The following SMYD3 variants were observed in gnomAD, a reference collection of about 807,000 sequenced individuals.
The protein encoded by SMYD3 is SET and MYND domain containing 3.
In SMYD3, 36 loss-of-function variants were observed where a neutral mutation model predicts 57.7. That is an observed-to-expected ratio of 0.62 (90% CI 0.48 to 0.82). SMYD3 has a LOEUF of 0.82. SMYD3 is among the 40% of genes least tolerant of loss of function. SMYD3 has a pLI of 0.00. For missense variants in SMYD3, 515 were observed against 538.8 expected (o/e 0.96, Z 0.44); for synonymous variants, 211 against 195.0 (o/e 1.08, Z -0.68).
intron 1 of SMYD3, among the ~76,000 whole-genome samples, chr1:246,470,916 G>T (rs533719946): frequency 1.2e-4 from 18 of 152,242 alleles, no homozygotes; most frequent in African/African-American, 4.3e-4. Flanking sequence ...CACTAAAGTG[G>T]TAAGGAAAGA....
intron 7 of SMYD3, among the ~76,000 whole-genome samples, chr1:245,926,647 G>C (rs908421948): frequency 6.6e-6 from 1 of 152,188 alleles, no homozygotes; most frequent in African/African-American, 2.4e-5. Flanking sequence ...ACTGGCAGCC[G>C]AGCCTAGGAA....
Position 246,010,801 on chromosome 1 carries a change from G to A in SMYD3, c.532-80864C>T, listed in dbSNP as rs949163880. Among the ~76,000 whole-genome samples, 14 of 152,270 alleles carry A rather than the reference G, an allele frequency of 9.2e-5. No individual in the cohort carries two copies. The South Asian group carries it at 1.2e-3, about 14-fold the overall frequency. ...TGGCATGGTGTCTATGGATATCTGCGTCATCTATTTAGATAGTATGTGCTG... is the reference window on the plus strand; with the variant it reads ...TGGCATGGTGTCTATGGATATCTGCATCATCTATTTAGATAGTATGTGCTG... On this transcript the variant is annotated intron_variant, in intron 5 of 11. Transcript: ENST00000490107.
chr1:246,266,587 T>C (rs10802378), intron 5 of SMYD3, among the ~76,000 whole-genome samples: 45,404 of 152,014 alleles, frequency 0.3, 8,025 homozygotes, highest in East Asian at 0.79. Context: ...AGGAAAATAC[T>C]ATAACACTGA....
intron 5 of SMYD3, 63 bp downstream of exon 5, chr1:246,327,135 CTAA>C: frequency 6.3e-7 from 1 of 1,599,012 alleles, no homozygotes; most frequent in Admixed American, 1.7e-5. Context: ...ATTTTTGTAA[CTAA>C]CAACAAAATA....
chr1:246,005,448 T>C (rs1160199619), intron 5 of SMYD3, among the ~76,000 whole-genome samples: 3 of 152,246 alleles, frequency 2.0e-5, no homozygotes. Context: ...CTTGGGCAAC[T>C]TCCCTGAACA....
At chr1:246,200,601 C>T (rs1489792544) in intron 5 of SMYD3, among the ~76,000 whole-genome samples, 2 of 122,508 alleles carry the variant, frequency 1.6e-5, no homozygotes, top group African/African-American at 5.8e-5. Flanking sequence ...TGTACACAGA[C>T]GTCACTATAA....
chr1:246,469,776 GA>G (rs929390475), intron 1 of SMYD3, among the ~76,000 whole-genome samples: 5 of 151,802 alleles, frequency 3.3e-5, no homozygotes, highest in South Asian at 2.1e-4. Flanking sequence ...CTCTATGGAG[GA>G]AAAAAAACTG....
intron 5 of SMYD3, among the ~76,000 whole-genome samples, chr1:246,157,059 T>C (rs1237065294): frequency 6.6e-6 from 1 of 152,190 alleles, no homozygotes; most frequent in Non-Finnish European, 1.5e-5. Flanking sequence ...TCACATCTGT[T>C]TGGAACAGCA....
At chr1:246,044,143 T>G (rs758916555) in intron 5 of SMYD3, among the ~76,000 whole-genome samples, 23 of 152,182 alleles carry the variant, frequency 1.5e-4, no homozygotes, top group Non-Finnish European at 3.1e-4. Context: ...ATTCAACAGT[T>G]CTACGAATAA....
At chr1:246,177,542 T>G (rs753312178) in intron 5 of SMYD3, among the ~76,000 whole-genome samples, 1 of 152,078 alleles carries the variant, frequency 6.6e-6, no homozygotes, top group Non-Finnish European at 1.5e-5. Context: ...AATAAACATT[T>G]TCAGGACAGA....
At chr1:246,112,929 C>G (rs906681867) in intron 5 of SMYD3, among the ~76,000 whole-genome samples, 2 of 152,116 alleles carry the variant, frequency 1.3e-5, no homozygotes, top group Non-Finnish European at 2.9e-5. Context: ...CGCCTGTAAT[C>G]CCAGCACTTT....
At chr1:246,232,979 T>C (rs1253332651) in intron 5 of SMYD3, among the ~76,000 whole-genome samples, 1 of 134,116 alleles carries the variant, frequency 7.5e-6, no homozygotes, top group Non-Finnish European at 1.6e-5. Flanking sequence ...GTGATGAACA[T>C]ATACCACGCA....
At chr1:245,765,534 G>A (rs1258101959) in intron 10 of SMYD3, among the ~76,000 whole-genome samples, 7 of 152,172 alleles carry the variant, frequency 4.6e-5, no homozygotes, top group Non-Finnish European at 8.8e-5. Context: ...TAGATGTCCA[G>A]TTCAAGTTTG....
chr1:246,293,126 C>T (rs188311238), intron 5 of SMYD3, among the ~76,000 whole-genome samples: 102 of 152,008 alleles, frequency 6.7e-4, no homozygotes, highest in Non-Finnish European at 1.2e-3. Context: ...ATCTCCTCAC[C>T]GAGAAAGGAT....
chr1:246,146,430 A>C (rs558934561), intron 5 of SMYD3, among the ~76,000 whole-genome samples: 6 of 152,212 alleles, frequency 3.9e-5, no homozygotes, highest in Non-Finnish European at 8.8e-5. Context: ...GTTAACGACA[A>C]GGGTTTGGGA....
At chr1:245,913,439 C>G (rs2055162058) in intron 8 of SMYD3, among the ~76,000 whole-genome samples, 1 of 151,348 alleles carries the variant, frequency 6.6e-6, no homozygotes, top group Admixed American at 6.6e-5. Flanking sequence ...TGCAGCACAC[C>G]AACATGGCAC....
At chr1:246,065,825 C>T (rs1410440124) in intron 5 of SMYD3, among the ~76,000 whole-genome samples, 1 of 152,144 alleles carries the variant, frequency 6.6e-6, no homozygotes, top group African/African-American at 2.4e-5. Flanking sequence ...TCAATAGATT[C>T]CACCTAAGAA....
chr1:246,162,301 G>T (rs1445055779), intron 5 of SMYD3, among the ~76,000 whole-genome samples: 1 of 152,172 alleles, frequency 6.6e-6, no homozygotes, highest in Non-Finnish European at 1.5e-5. Flanking sequence ...AAGCATATGT[G>T]GAGGGTGTTT....
chr1:246,349,700 T>C (rs1351985637), intron 2 of SMYD3, among the ~76,000 whole-genome samples: 3 of 152,168 alleles, frequency 2.0e-5, no homozygotes, highest in Non-Finnish European at 4.4e-5. Flanking sequence ...TAAAGTGTTA[T>C]TTGAGAGTAA....
Sources: gnomAD v4.1 joint callset for allele counts (sites outside exome capture counted in the v4.1 genomes callset) on GRCh38, gnomAD v4.1.1 for gene constraint, MANE v1.5 for transcripts, NCBI Gene and HGNC (gene_info 2026-07-23, HGNC 2026-07-21) for gene names.